Variants in HS1BP3 observed in about 807,000 individuals in gnomAD.
The protein encoded by HS1BP3 is HCLS1-binding protein 3.
A neutral mutation model predicts 33.5 loss-of-function variants in HS1BP3; 32 were observed. That is an observed-to-expected ratio of 0.95 (90% CI 0.72 to 1.28). The LOEUF (loss-of-function observed/expected upper bound fraction) is 1.28, where lower values mean the gene tolerates loss of function less well. Among genes scored for constraint, HS1BP3 ranks in the 50% most tolerant of loss-of-function variants. The probability of loss-of-function intolerance (pLI) is 0.00; values close to 1 mark genes in which losing one functional copy is unlikely to be tolerated. For synonymous variants in HS1BP3, 187 were observed against 209.2 expected, an observed-to-expected ratio of 0.89 and a Z score of 0.92; for missense variants, 486 against 502.3, an observed-to-expected ratio of 0.97 and a Z score of 0.31.
rs1335467050 is a variant in HS1BP3 at position 20,611,717 on chromosome 2, A to G, written c.178+12179T>C. ...GGCCCCCTGGACACAGGGTCCCTCA[A>G]TCCCAGGGCCCCTTTCTGGGTCTCC... On this transcript the variant is annotated intron_variant, in intron 2 of 3. Transcript: ENST00000415264. The surrounding 1 kb of genome is among the most constrained non-coding windows in gnomAD (Gnocchi z 4.9). Among the ~76,000 whole-genome samples the G allele has an allele frequency of 6.6e-6, 1 of 152,088 alleles. No homozygotes were observed. The highest frequency in any genetic ancestry group is 6.6e-5 in the Admixed American group (1 of 15,266).
chr2:20,638,335 T>G, intron 4 of HS1BP3, 101 bp downstream of exon 4: 1 of 1,208,030 alleles, frequency 8.3e-7, no homozygotes, highest in Non-Finnish European at 1.2e-6. Context: ...GGGGGCGACC[T>G]GGGATGCTCA....
chr2:20,600,397 G>T (rs78937421), intron 2 of HS1BP3, among the ~76,000 whole-genome samples: 81 of 152,242 alleles, frequency 5.3e-4, no homozygotes, highest in Non-Finnish European at 9.3e-4. Context: ...ATTACAAGTC[G>T]CAACGGCCCT....
At chr2:20,575,768 C>G (rs77197412) in intron 5 of HS1BP3, among the ~76,000 whole-genome samples, 4 of 117,512 alleles carry the variant, frequency 3.4e-5, no homozygotes, top group African/African-American at 1.0e-4. Flanking sequence ...CCACCCCCCC[C>G]CCCCCCTTCA....
chr2:20,646,596 C>T (rs768566789), intron 1 of HS1BP3, among the ~76,000 whole-genome samples: 20 of 152,252 alleles, frequency 1.3e-4, no homozygotes, highest in Non-Finnish European at 2.5e-4. Flanking sequence ...AATATCCTCC[C>T]GCGGCGTAGG....
intron 5 of HS1BP3, among the ~76,000 whole-genome samples, chr2:20,567,529 C>A (rs899569882): frequency 7.1e-5 from 1 of 14,072 alleles, no homozygotes; most frequent in Non-Finnish European, 1.3e-4. Flanking sequence ...GTGGTGCTGG[C>A]AGCCAAACAA....
downstream of HS1BP3, among the ~76,000 whole-genome samples, chr2:20,556,386 G>C (rs958921621): frequency 1.3e-5 from 2 of 152,136 alleles, no homozygotes; most frequent in African/African-American, 4.8e-5. Flanking sequence ...AGAAGAAAAT[G>C]GTTTCTGCCT....
In HS1BP3 at chr2:20,585,528, G is replaced by T. The variant is rs138189538; in HGVS notation, c.303-25013C>A. ...AGAGAAGATAAGTAACTTGCCCAAG[G>T]TCACACGATTAGCAAGTGGCAGACC... On this transcript the variant is annotated intron_variant, in intron 5 of 5. Coordinates refer to the HS1BP3 transcript ENST00000446825. 4.4e-3 allele frequency among the ~76,000 whole-genome samples: 668 copies of T among 152,312 alleles called. 1 individual carries two copies. Among genetic ancestry groups the T allele is most frequent in the Non-Finnish European group, 7.2e-3 (489 of 68,030 alleles).
At chr2:20,576,336 T>C (rs1431383298) in intron 5 of HS1BP3, among the ~76,000 whole-genome samples, 1 of 152,204 alleles carries the variant, frequency 6.6e-6, no homozygotes, top group East Asian at 1.9e-4. Flanking sequence ...TCATATGGAC[T>C]CTATGTGTTC....
intron 3 of HS1BP3, among the ~76,000 whole-genome samples, chr2:20,593,239 C>T (rs1693861883): frequency 6.6e-6 from 1 of 152,200 alleles, no homozygotes; most frequent in African/African-American, 2.4e-5. Flanking sequence ...ATTGTCTAAA[C>T]TTGCAACCTT....
At position 20,622,464 on chromosome 2, in the gene HS1BP3, GC is replaced by G. The variant is rs532600885; in HGVS notation, c.920+1431del. The G allele has an allele frequency of 1.6e-3, 727 of 450,644 alleles. 10 individuals are homozygous for G. Among genetic ancestry groups the G allele is most frequent in the Middle Eastern group, 0.011 (21 of 1,912 alleles). 27.9% of individuals were successfully genotyped at this position (450,644 alleles called of 1,614,324 possible). On this transcript the variant is annotated intron_variant, in intron 6 of 6. Transcript: ENST00000304031. ...GCTAAGGGGCACCACAGAGTGGGGG[GC>G]CCAGGGATGAATGAGAACGTGAAGT...
chr2:20,620,217 A>G (rs1694553486), intron 6 of HS1BP3, among the ~76,000 whole-genome samples: 1 of 152,202 alleles, frequency 6.6e-6, no homozygotes, highest in Non-Finnish European at 1.5e-5. Flanking sequence ...AATAATCTCC[A>G]AACACTGTGT....
chr2:20,620,884 T>TAATTG (rs1694578216), intron 6 of HS1BP3, among the ~76,000 whole-genome samples: 1 of 152,106 alleles, frequency 6.6e-6, no homozygotes, highest in African/African-American at 2.4e-5. Flanking sequence ...CCCAGCCCAG[T>TAATTG]CAGACAGGGG....
At chr2:20,639,910 A>C (rs776297289) in intron 3 of HS1BP3, 1 of 152,296 alleles carries the variant, frequency 6.6e-6, no homozygotes, top group Non-Finnish European at 1.5e-5. Context: ...TGGAACAACA[A>C]GGGCAGAAGA....
chr2:20,599,619 C>T lies in HS1BP3; in HGVS notation c.179-1354G>A, dbSNP rs1347350289. Among the ~76,000 whole-genome samples, 443 of 145,658 alleles carry T rather than the reference C, an allele frequency of 3.0e-3. 1 individual carries two copies. Among genetic ancestry groups the T allele is most frequent in the African/African-American group, 0.011 (415 of 38,948 alleles). The stretch of plus-strand genomic sequence containing the variant: ...ATGGACTTCTTGTGTAACACACACA[C>T]ACACACACACACACACACACACACA... On this transcript the variant is annotated intron_variant, in intron 2 of 3. Coordinates refer to the HS1BP3 transcript ENST00000415264.
At position 20,641,067 on chromosome 2, in the gene HS1BP3, G is replaced by T; in HGVS notation, c.312C>A (p.Asp104Glu). The change falls in exon 3 of 7, where the codon GAC (aspartate) becomes GAA (glutamate). Residue 104 changes from aspartate to glutamate, a missense_variant. Asp to Glu is a conservative substitution (Grantham distance 45). Coordinates refer to ENST00000304031, the MANE Select transcript of HS1BP3 (RefSeq NM_022460.4). The stretch of plus-strand genomic sequence containing the variant: ...TGAACACGGCTCTCCTCTCCCGGAT[G>T]TCAGACTCCCCAACAAACAGGACCT... ...PRKVLFVGES[D>E]IRERRAVFNE... is the part of the protein sequence containing the mutation. 2 of 1,614,140 alleles carry T rather than the reference G, an allele frequency of 1.2e-6. No homozygotes were observed. The highest frequency in any genetic ancestry group is 1.7e-6 in the Non-Finnish European group (2 of 1,180,032).
At chr2:20,559,840 G>A (rs1283450376), downstream of HS1BP3, among the ~76,000 whole-genome samples, 1 of 152,214 alleles carries the variant, frequency 6.6e-6, no homozygotes, top group Non-Finnish European at 1.5e-5. Context: ...CCTGCCTAGG[G>A]AGGCCTGCTC....
At chr2:20,580,013 A>G (rs1177389975) in intron 5 of HS1BP3, among the ~76,000 whole-genome samples, 1 of 152,236 alleles carries the variant, frequency 6.6e-6, no homozygotes, top group African/African-American at 2.4e-5. Flanking sequence ...ATCCTAATCT[A>G]CATACCCTTA....
chr2:20,649,003 G>A (rs1248852801), intron 1 of HS1BP3, among the ~76,000 whole-genome samples: 2 of 152,138 alleles, frequency 1.3e-5, no homozygotes, highest in Non-Finnish European at 2.9e-5. Context: ...CACCCTCACG[G>A]CCGCCATCAC....
chr2:20,605,057 G>A (rs955196731), intron 2 of HS1BP3, among the ~76,000 whole-genome samples: 1 of 152,232 alleles, frequency 6.6e-6, no homozygotes, highest in African/African-American at 2.4e-5. Flanking sequence ...CAAGAATGAT[G>A]AAACAGATGT....
Sources: allele counts gnomAD v4.1 joint callset (sites outside exome capture counted in the v4.1 genomes callset), GRCh38; gene constraint gnomAD v4.1.1; non-coding constraint Gnocchi (gnomAD v3.1); transcripts MANE v1.5; gene names NCBI Gene and HGNC (gene_info 2026-07-23, HGNC 2026-07-21).